The following WDPCP variants were observed in gnomAD, a reference collection of about 807,000 sequenced individuals.
The protein encoded by WDPCP is WD repeat containing planar cell polarity effector, also known as WD repeat-containing and planar cell polarity effector protein fritz homolog.
In WDPCP, 71 loss-of-function variants were observed where a neutral mutation model predicts 93.1. The ratio of observed to expected loss-of-function variants is 0.76; its 90% confidence interval spans 0.63 to 0.93. The LOEUF (loss-of-function observed/expected upper bound fraction) is 0.93. Ranked by LOEUF, WDPCP falls within the 40% of genes least tolerant of loss-of-function variation. The pLI, the probability that WDPCP is intolerant of heterozygous loss-of-function variation, is 0.00. For synonymous variants in WDPCP, 315 were observed against 315.0 expected (o/e 1.00, Z 0.00); for missense variants, 844 against 887.4 (o/e 0.95, Z 0.62).
intron 1 of WDPCP, among the ~76,000 whole-genome samples, chr2:63,531,974 G>C (rs765129713): frequency 3.0e-4 from 46 of 152,138 alleles, no homozygotes; most frequent in Non-Finnish European, 6.0e-4. Flanking sequence ...AAAAAAATTA[G>C]ACGAACAGCT....
intron 12 of WDPCP, among the ~76,000 whole-genome samples, chr2:63,333,427 A>T (rs1390906767): frequency 6.6e-6 from 1 of 152,188 alleles, no homozygotes; most frequent in Admixed American, 6.5e-5. Context: ...TTGCAGATCC[A>T]GGAGATAATC....
intron 12 of WDPCP, among the ~76,000 whole-genome samples, chr2:63,319,074 CT>C (rs1013310283): frequency 2.2e-4 from 34 of 152,164 alleles, no homozygotes; most frequent in Non-Finnish European, 4.3e-4. Flanking sequence ...CAGAAAATAT[CT>C]TCAAATTATG....
At chr2:63,316,145 C>T (rs1686620728) in intron 12 of WDPCP, among the ~76,000 whole-genome samples, 1 of 151,770 alleles carries the variant, frequency 6.6e-6, no homozygotes, top group Non-Finnish European at 1.5e-5. Context: ...GAATGTTACA[C>T]AGAGGAAAAA....
intron 1 of WDPCP, chr2:63,519,113 C>G (rs1275343010): frequency 6.6e-6 from 1 of 151,970 alleles, no homozygotes; most frequent in Non-Finnish European, 1.5e-5. Context: ...ACCAGTTGCC[C>G]CAGCCCCCAA....
intron 14 of WDPCP, among the ~76,000 whole-genome samples, chr2:63,226,391 T>A (rs886915064): frequency 6.6e-6 from 1 of 151,896 alleles, no homozygotes; most frequent in African/African-American, 2.4e-5. Flanking sequence ...CTATATATTC[T>A]ATACAACCTT....
intron 2 of WDPCP, among the ~76,000 whole-genome samples, chr2:63,808,720 G>A (rs996151025): frequency 2.0e-4 from 31 of 152,172 alleles, no homozygotes; most frequent in Admixed American, 2.0e-3. Flanking sequence ...CGCCTGCCTT[G>A]GCCTCCCAAA....
chr2:63,554,313 T>C (rs899102324), intron 1 of WDPCP, among the ~76,000 whole-genome samples: 3 of 152,208 alleles, frequency 2.0e-5, no homozygotes, highest in African/African-American at 7.2e-5. Flanking sequence ...TCTAGGTTCA[T>C]TATATCAGGA....
chr2:63,644,123 T>C (rs1488352219), intron 3 of WDPCP: 1 of 337,294 alleles, frequency 3.0e-6, no homozygotes, highest in Non-Finnish European at 5.8e-6. Context: ...AATTTTTGCA[T>C]CAATGTTCAT....
intron 3 of WDPCP, among the ~76,000 whole-genome samples, chr2:63,632,626 GA>G (rs994159064): frequency 6.6e-6 from 1 of 152,106 alleles, no homozygotes; most frequent in Non-Finnish European, 1.5e-5. Context: ...AAGTGGAGGG[GA>G]AAAAGTATAA....
Position 63,153,564 on chromosome 2 carries a change from C to A in WDPCP, c.2089G>T (p.Asp697Tyr). 6.2e-7 allele frequency: 1 copy of A among 1,611,760 alleles called. No homozygotes were observed. The highest frequency in any genetic ancestry group is 8.5e-7 in the Non-Finnish European group (1 of 1,178,878). The change falls in exon 16 of 18, where the codon GAC becomes TAC. Residue 697 changes from aspartate (D) to tyrosine (Y), a missense_variant. Physicochemically the swap from Asp to Tyr is radical, Grantham distance 160 (BLOSUM62 -3). Transcript: ENST00000272321. ...LNGSSNRQIIDRRNELEKDIC... is the reference protein window; with the variant it reads ...LNGSSNRQIIYRRNELEKDIC... ...TCTTTTTCAAGTTCATTCCTTCTGT[C>A]AATTATTTGTCTGCAGTATATGGGT...
chr2:63,487,693 A>G (rs889660804), intron 2 of WDPCP, among the ~76,000 whole-genome samples, 199 bp from the exon 3 acceptor site: 1 of 152,100 alleles, frequency 6.6e-6, no homozygotes, highest in Non-Finnish European at 1.5e-5. Context: ...AAGTTTATCA[A>G]TCTAATGAGA....
chr2:63,436,331 G>A (rs549806507), intron 8 of WDPCP, among the ~76,000 whole-genome samples: 6 of 152,092 alleles, frequency 3.9e-5, no homozygotes, highest in East Asian at 1.9e-4. Flanking sequence ...GCTGGCAAAC[G>A]AAACTAGATG....
intron 17 of WDPCP, among the ~76,000 whole-genome samples, chr2:63,130,496 T>C (rs1195270646): frequency 6.6e-6 from 1 of 152,162 alleles, no homozygotes; most frequent in Admixed American, 6.5e-5. Context: ...TAGCACCATA[T>C]TTTGATTACT....
At chr2:63,676,519 C>T (rs1034815769) in intron 2 of WDPCP, among the ~76,000 whole-genome samples, 7 of 151,918 alleles carry the variant, frequency 4.6e-5, no homozygotes, top group African/African-American at 1.5e-4. Context: ...TTATCAGTGC[C>T]CCATAGTTCA....
chr2:63,622,551 G>C (rs1709756183), intron 3 of WDPCP: 1 of 1,613,836 alleles, frequency 6.2e-7, no homozygotes, highest in South Asian at 1.1e-5. Context: ...GGTGAAGGTA[G>C]TCATGGTCTG....
At chr2:63,598,270 C>A (rs4671069) in intron 3 of WDPCP, 122,319 of 152,150 alleles carry the variant, frequency 0.8, 49,839 homozygotes, top group East Asian at 0.98. Flanking sequence ...ATGGGACTAC[C>A]GTTGCACGCC....
At chr2:63,514,222 G>C (rs537767926) in intron 1 of WDPCP, among the ~76,000 whole-genome samples, 1 of 152,184 alleles carries the variant, frequency 6.6e-6, no homozygotes, top group East Asian at 1.9e-4. Context: ...AGAACTCTTT[G>C]GCCTTTTATA....
chr2:63,800,884 TCTC>T (rs1313960545), intron 2 of WDPCP, among the ~76,000 whole-genome samples: 2 of 151,746 alleles, frequency 1.3e-5, no homozygotes, highest in Non-Finnish European at 2.9e-5. Context: ...AGAAACCCCA[TCTC>T]TGCAAAAAAC....
At chr2:63,820,136 G>C (rs924630120) in intron 1 of WDPCP, among the ~76,000 whole-genome samples, 3 of 152,150 alleles carry the variant, frequency 2.0e-5, no homozygotes, top group African/African-American at 4.8e-5. Context: ...TCATTGTTAT[G>C]ACTTCAACTT....
Sources: allele counts gnomAD v4.1 joint callset (sites outside exome capture counted in the v4.1 genomes callset), GRCh38; gene constraint gnomAD v4.1.1; transcripts MANE v1.5; gene names NCBI Gene and HGNC (gene_info 2026-07-23, HGNC 2026-07-21).